The following RNASEH2B variants were observed in gnomAD, a reference collection of about 807,000 sequenced individuals.
RNASEH2B encodes the protein ribonuclease H2 subunit B.
A neutral mutation model predicts 45.0 loss-of-function variants in RNASEH2B; 36 were observed. That is an observed-to-expected ratio of 0.80 (90% confidence interval 0.61 to 1.06). The LOEUF (loss-of-function observed/expected upper bound fraction) is 1.06, where lower values mean the gene tolerates loss of function less well. Ranked by LOEUF, RNASEH2B falls within the 50% of genes least tolerant of loss-of-function variation. The pLI is 0.00. For synonymous variants in RNASEH2B, 119 were observed against 125.7 expected (o/e 0.95, Z 0.35); for missense variants, 361 against 360.3 (o/e 1.00, Z -0.02).
Position 50,954,251 on chromosome 13 carries a change from G to C in RNASEH2B, c.822+266G>C. On this transcript the variant is annotated intron_variant, in intron 10 of 10. Coordinates refer to ENST00000336617, the MANE Select transcript of RNASEH2B (RefSeq NM_024570.4). ...TGCTATGTATTCATAGAGTGATAGG[G>C]TGGGAAAGGAGGGAGGAAGCTCTAC... The C allele has an allele frequency of 7.2e-6, 4 of 553,580 alleles. No individual in the cohort carries two copies. The South Asian group carries it at 1.0e-4, about 15-fold the overall frequency. The allele number at this position is 553,580 out of a possible 1,614,324, so 34.3% of individuals were successfully genotyped here.
chr13:50,947,945 A>ATTT, intron 7 of RNASEH2B, 42 bp from the exon 8 acceptor site: 1 of 1,276,352 alleles, frequency 7.8e-7, no homozygotes. Context: ...CATAATTACT[A>ATTT]TTTTTTTTTT....
chr13:50,924,833 C>T (rs1951571387), intron 1 of RNASEH2B, among the ~76,000 whole-genome samples: 1 of 152,196 alleles, frequency 6.6e-6, no homozygotes, highest in Non-Finnish European at 1.5e-5. Flanking sequence ...AGGCATGCAC[C>T]ACCATGCCCA....
At chr13:50,924,485 C>T (rs781147481) in intron 1 of RNASEH2B, among the ~76,000 whole-genome samples, 1 of 152,146 alleles carries the variant, frequency 6.6e-6, no homozygotes, top group South Asian at 2.1e-4. Context: ...AACATACATG[C>T]ACCCAATGAC....
chr13:50,943,283 T>G (rs780141262), intron 5 of RNASEH2B, 38 bp from the exon 6 acceptor site: 2 of 1,180,666 alleles, frequency 1.7e-6, no homozygotes, highest in East Asian at 4.7e-5. Flanking sequence ...TTTATTTTTT[T>G]TTTAATTCAT....
At chr13:50,925,212 ATT>A in intron 1 of RNASEH2B, among the ~76,000 whole-genome samples, 1 of 148,284 alleles carries the variant, frequency 6.7e-6, no homozygotes, top group Middle Eastern at 3.5e-3. Flanking sequence ...CAATTTAGGT[ATT>A]TTTTTTTTGC....
chr13:50,910,176 A>G (rs1430508629), intron 1 of RNASEH2B, 36 bp downstream of exon 1: 4 of 1,384,540 alleles, frequency 2.9e-6, no homozygotes, highest in Non-Finnish European at 3.7e-6. Context: ...GGTCGGCCCA[A>G]GAACTGGCGG....
At chr13:50,947,294 A>C (rs1163797707) in intron 7 of RNASEH2B, among the ~76,000 whole-genome samples, 1 of 152,070 alleles carries the variant, frequency 6.6e-6, no homozygotes, top group African/African-American at 2.4e-5. Context: ...CCAGAGCTGC[A>C]TTTTAGTACT....
At chr13:50,927,779 C>G (rs1475248759) in intron 2 of RNASEH2B, among the ~76,000 whole-genome samples, 1 of 152,120 alleles carries the variant, frequency 6.6e-6, no homozygotes, top group Admixed American at 6.5e-5. Flanking sequence ...TTTTCTTTGG[C>G]TTCCTTAAGC....
intron 6 of RNASEH2B, among the ~76,000 whole-genome samples, chr13:50,943,663 G>T (rs1003482642): frequency 3.9e-5 from 6 of 152,164 alleles, no homozygotes; most frequent in Non-Finnish European, 8.8e-5. Flanking sequence ...ATTTGTTGGT[G>T]TAGATTTGAG....
At chr13:50,914,141 G>A (rs1879595299) in intron 1 of RNASEH2B, among the ~76,000 whole-genome samples, 1 of 150,966 alleles carries the variant, frequency 6.6e-6, no homozygotes, top group African/African-American at 2.4e-5. Flanking sequence ...AAAAAGTAAA[G>A]GTTTAAAGTG....
chr13:50,911,128 C>T (rs1029473735), intron 1 of RNASEH2B: 2 of 152,200 alleles, frequency 1.3e-5, no homozygotes, highest in African/African-American at 2.4e-5. Flanking sequence ...GTAACCATCC[C>T]CCAGTTCAAG....
chr13:50,967,423 G>GCCACAATGGCAAAAT (rs1320941941), intron 9 of RNASEH2B, among the ~76,000 whole-genome samples: 1 of 152,214 alleles, frequency 6.6e-6, no homozygotes, highest in Non-Finnish European at 1.5e-5. Context: ...GACTGGCAAA[G>GCCACAATGGCAAAAT]CGCATTGTGA....
chr13:50,921,779 G>C (rs1041455014), intron 1 of RNASEH2B, among the ~76,000 whole-genome samples: 2 of 152,182 alleles, frequency 1.3e-5, no homozygotes, highest in Non-Finnish European at 2.9e-5. Context: ...CCTGAGATTA[G>C]CCAAAGGCTT....
intron 2 of RNASEH2B, among the ~76,000 whole-genome samples, chr13:50,928,785 G>A (rs1389207712): frequency 1.3e-5 from 2 of 152,062 alleles, no homozygotes; most frequent in Non-Finnish European, 2.9e-5. Flanking sequence ...CCAAGGGCAC[G>A]TGCCCAGCAT....
chr13:50,965,235 C>T (rs1351556614), intron 9 of RNASEH2B, among the ~76,000 whole-genome samples: 1 of 152,166 alleles, frequency 6.6e-6, no homozygotes, highest in African/African-American at 2.4e-5. Flanking sequence ...CAGTTGCCTA[C>T]AGTATTCAGT....
Position 50,927,449 on chromosome 13 carries a change from T to C in RNASEH2B, c.107T>C (p.Met36Thr). The change falls in exon 2 of 11, where the codon ATG becomes ACG. Residue 36 changes from methionine (M) to threonine (T), a missense_variant. Coordinates refer to ENST00000336617, the MANE Select transcript of RNASEH2B (RefSeq NM_024570.4). ...DASKKMKNGLMFVKLVNPCSG... is the reference protein window; with the variant it reads ...DASKKMKNGLTFVKLVNPCSG... ...TCAAAGAAGATGAAAAATGGGCTAA[T>C]GTTTGTAAAACTGGTTAACCCCTGT... is the stretch of plus-strand genomic sequence containing the variant. The C allele has an allele frequency of 6.2e-7, 1 of 1,603,264 alleles. No homozygotes were observed. Among genetic ancestry groups the C allele is most frequent in the Non-Finnish European group, 8.5e-7 (1 of 1,170,240 alleles).
In RNASEH2B at chr13:50,949,483, C is replaced by G. The variant is rs372632599; in HGVS notation, c.719C>G (p.Ser240Ter). ...CTTAGGCTTCCAGAACCTTCAGCCT[C>G]ATTGCCAAATCCTCCATCAAAGGTA... ...KYLKLPEPSA[S>*]LPNPPSKKIK... The change falls in exon 9 of 11, where the codon TCA (serine) becomes TGA (stop). Residue 240 changes from serine to a stop codon, truncating the protein, a stop_gained. Coordinates refer to ENST00000336617, the MANE Select transcript of RNASEH2B (RefSeq NM_024570.4). LOFTEE classifies it high-confidence loss of function. 4.2e-5 allele frequency: 68 copies of G among 1,613,410 alleles called. No individual in the cohort carries two copies. The highest frequency in any genetic ancestry group is 5.6e-5 in the Non-Finnish European group (66 of 1,179,598).
chr13:50,926,165 T>C (rs1951592141), intron 1 of RNASEH2B, among the ~76,000 whole-genome samples: 1 of 151,996 alleles, frequency 6.6e-6, no homozygotes, highest in African/African-American at 2.4e-5. Flanking sequence ...ATTTTTTTTT[T>C]CTGTAGATAC....
At chr13:50,963,250 C>T (rs1225218956) in intron 9 of RNASEH2B, among the ~76,000 whole-genome samples, 15 of 152,030 alleles carry the variant, frequency 9.9e-5, no homozygotes, top group African/African-American at 7.3e-5. Flanking sequence ...CTGCAACTTC[C>T]GCCTCCCGGG....
Sources: gnomAD v4.1 joint callset for allele counts (sites outside exome capture counted in the v4.1 genomes callset) on GRCh38, gnomAD v4.1.1 for gene constraint, MANE v1.5 for transcripts, NCBI Gene and HGNC (gene_info 2026-07-23, HGNC 2026-07-21) for gene names.